The following DSCAM variants were observed in gnomAD, a reference collection of about 807,000 sequenced individuals.
DSCAM encodes DS cell adhesion molecule, also known as cell adhesion molecule DSCAM.
DSCAM carries 47 observed loss-of-function variants against 217.7 expected under a neutral mutation model. The ratio of observed to expected loss-of-function variants is 0.22; its 90% CI spans 0.17 to 0.28. DSCAM has a LOEUF of 0.28. DSCAM is among the 10% of genes least tolerant of loss of function. DSCAM has a pLI of 1.00. For synonymous variants in DSCAM, 1,056 were observed against 1,015.3 expected (o/e 1.04, Z -0.76); for missense variants, 2,080 against 2,618.3 (o/e 0.79, Z 4.49).
chr21:40,059,246 C>G (rs1221732744), intron 28 of DSCAM, among the ~76,000 whole-genome samples: 1 of 152,200 alleles, frequency 6.6e-6, no homozygotes, highest in Non-Finnish European at 1.5e-5. Flanking sequence ...TGCTTACACC[C>G]AACTCACTCG....
At chr21:40,353,803 A>G in intron 4 of DSCAM, 60 bp from the exon 5 acceptor site, 1 of 1,390,188 alleles carries the variant, frequency 7.2e-7, no homozygotes, top group South Asian at 1.6e-5. Flanking sequence ...GTCATTTAGA[A>G]TTGTAGGACT....
intron 3 of DSCAM, among the ~76,000 whole-genome samples, chr21:40,668,516 G>A (rs1327192532): frequency 1.3e-5 from 2 of 152,188 alleles, no homozygotes; most frequent in Admixed American, 6.5e-5. Context: ...CTAAGAACCT[G>A]CAGCCTTGTC....
chr21:40,592,033 T>C (rs1172392781), intron 3 of DSCAM, among the ~76,000 whole-genome samples: 1 of 152,178 alleles, frequency 6.6e-6, no homozygotes, highest in African/African-American at 2.4e-5. Context: ...TTTAAGAAGG[T>C]AGTCTACAAC....
chr21:40,563,999 T>C (rs1244470121), intron 3 of DSCAM, among the ~76,000 whole-genome samples: 2 of 152,222 alleles, frequency 1.3e-5, no homozygotes, highest in African/African-American at 4.8e-5. Context: ...AGGCCAGCCA[T>C]GCAAAAGGCA....
intron 11 of DSCAM, among the ~76,000 whole-genome samples, chr21:40,246,354 TAAAAAAAAAAAAAAAAAAAAAA>T (rs34308158): frequency 1.4e-4 from 2 of 13,920 alleles, no homozygotes; most frequent in African/African-American, 5.4e-4. Context: ...CAGTCCGTAC[TAAAAAAAAAAAAAAAAAAAAAA>T]AAAAAAAAAA....
At chr21:40,818,215 C>T (rs923819079) in intron 1 of DSCAM, among the ~76,000 whole-genome samples, 1 of 151,394 alleles carries the variant, frequency 6.6e-6, no homozygotes, top group Non-Finnish European at 1.5e-5. Flanking sequence ...GATGGAGGCA[C>T]CCCGCCCCCA....
chr21:40,280,316 G>A (rs1443504963), intron 10 of DSCAM, among the ~76,000 whole-genome samples: 1 of 151,214 alleles, frequency 6.6e-6, no homozygotes, highest in Non-Finnish European at 1.5e-5. Flanking sequence ...CAAGTAGCTG[G>A]GACTATAATA....
intron 3 of DSCAM, among the ~76,000 whole-genome samples, chr21:40,468,538 T>C (rs2075863020): frequency 6.6e-6 from 1 of 151,946 alleles, no homozygotes; most frequent in African/African-American, 2.4e-5. Context: ...CACACAGGAT[T>C]GGGGAGGGGG....
At position 40,508,232 on chromosome 21, in the gene DSCAM, C is replaced by T. The variant is rs557343153; in HGVS notation, c.509-138987G>A. On this transcript the variant is annotated intron_variant, in intron 3 of 32. Coordinates refer to ENST00000400454, the MANE Select transcript of DSCAM (RefSeq NM_001389.5). The stretch of plus-strand genomic sequence containing the variant: ...TACCATTCTGAGTCACTTCTATTTG[C>T]GAAAGCAAATCACCATTGCTTTTGT... Among the ~76,000 whole-genome samples the T allele has an allele frequency of 2.6e-5, 4 of 152,068 alleles. No homozygotes were observed. The South Asian group carries it at 6.2e-4, about 24-fold the overall frequency.
intron 1 of DSCAM, among the ~76,000 whole-genome samples, chr21:40,719,793 G>A (rs1287769026): frequency 2.6e-5 from 4 of 152,176 alleles, no homozygotes; most frequent in Non-Finnish European, 4.4e-5. Flanking sequence ...CGTGGGGGTG[G>A]GGTCAGGTGC....
chr21:40,159,083 G>A (rs538001812), intron 16 of DSCAM, among the ~76,000 whole-genome samples: 4 of 152,280 alleles, frequency 2.6e-5, no homozygotes, highest in Non-Finnish European at 4.4e-5. Context: ...CCTCCTGGCT[G>A]GGGTTCTTCC....
chr21:40,754,035 C>A (rs1322480847), intron 1 of DSCAM, among the ~76,000 whole-genome samples: 3 of 152,196 alleles, frequency 2.0e-5, no homozygotes, highest in African/African-American at 7.2e-5. Flanking sequence ...AACCTATGAA[C>A]ATGACAGTGA....
At chr21:40,407,088 T>A (rs1358724020) in intron 3 of DSCAM, among the ~76,000 whole-genome samples, 1 of 152,146 alleles carries the variant, frequency 6.6e-6, no homozygotes, top group African/African-American at 2.4e-5. Context: ...GCAACTATAG[T>A]TAATAGCAAT....
At chr21:40,781,031 C>T (rs1008988742) in intron 1 of DSCAM, among the ~76,000 whole-genome samples, 7 of 151,216 alleles carry the variant, frequency 4.6e-5, no homozygotes, top group Non-Finnish European at 8.8e-5. Flanking sequence ...TTTCTTGAGA[C>T]GGAGTCCCAC....
chr21:40,321,224 T>C (rs1321887530), intron 8 of DSCAM, among the ~76,000 whole-genome samples: 1 of 152,194 alleles, frequency 6.6e-6, no homozygotes, highest in Non-Finnish European at 1.5e-5. Flanking sequence ...AGCTGTCAGC[T>C]CAATGCTGTT....
chr21:40,239,939 T>G (rs774565927), intron 11 of DSCAM, among the ~76,000 whole-genome samples: 1 of 152,212 alleles, frequency 6.6e-6, no homozygotes, highest in Non-Finnish European at 1.5e-5. Flanking sequence ...TCAGTTATAC[T>G]TCCATCAGGT....
intron 14 of DSCAM, among the ~76,000 whole-genome samples, 190 bp downstream of exon 14, chr21:40,186,941 G>A (rs990227978): frequency 4.6e-5 from 7 of 152,216 alleles, no homozygotes; most frequent in African/African-American, 1.7e-4. Context: ...GCAGAGCTGA[G>A]CCTCAACACG....
At chr21:40,750,210 G>A (rs1601209437) in intron 1 of DSCAM, among the ~76,000 whole-genome samples, 1 of 151,972 alleles carries the variant, frequency 6.6e-6, no homozygotes, top group East Asian at 1.9e-4. Flanking sequence ...TTACAGGCAT[G>A]AGCCACCATG....
intron 3 of DSCAM, among the ~76,000 whole-genome samples, chr21:40,611,978 T>C (rs780188199): frequency 6.6e-5 from 10 of 152,132 alleles, no homozygotes; most frequent in South Asian, 2.1e-4. Flanking sequence ...ACAACCACCA[T>C]AGTTAGAGAA....
Sources: gnomAD v4.1 joint callset for allele counts (sites outside exome capture counted in the v4.1 genomes callset) on GRCh38, gnomAD v4.1.1 for gene constraint, MANE v1.5 for transcripts, NCBI Gene and HGNC (gene_info 2026-07-23, HGNC 2026-07-21) for gene names.